Variants in PAFAH1B2 observed in about 807,000 individuals in gnomAD.
PAFAH1B2 encodes platelet-activating factor acetylhydrolase IB subunit alpha2.
In PAFAH1B2, 8 loss-of-function variants were observed where a neutral mutation model predicts 28.0. The ratio of observed to expected loss-of-function variants is 0.29; its 90% CI spans 0.17 to 0.52. The LOEUF (loss-of-function observed/expected upper bound fraction) is 0.52. PAFAH1B2 is among the 20% of genes least tolerant of loss of function. The pLI, the probability that PAFAH1B2 is intolerant of heterozygous loss-of-function variation, is 0.97. For synonymous variants in PAFAH1B2, 104 were observed against 103.2 expected, an observed-to-expected ratio of 1.01 and a Z score of -0.05; for missense variants, 190 against 282.6, an observed-to-expected ratio of 0.67 and a Z score of 2.35.
chr11:117,174,860 C>T (rs1030448172), downstream of PAFAH1B2: 7 of 1,400,694 alleles, frequency 5.0e-6, no homozygotes, highest in African/African-American at 4.3e-5. Flanking sequence ...GATGATCCAA[C>T]CGCCTTGGCC....
chr11:117,158,543 G>C (rs541368738), intron 2 of PAFAH1B2, among the ~76,000 whole-genome samples: 37 of 151,320 alleles, frequency 2.4e-4, no homozygotes, highest in African/African-American at 8.5e-4. Flanking sequence ...TCATAGTTGA[G>C]AAAATGATAT....
intron 1 of PAFAH1B2, among the ~76,000 whole-genome samples, chr11:117,148,527 C>A (rs917424083): frequency 6.6e-6 from 1 of 152,132 alleles, no homozygotes; most frequent in Admixed American, 6.6e-5. Context: ...TAACAAAGCT[C>A]CTAGCACAGG....
intron 4 of PAFAH1B2, 130 bp downstream of exon 4, chr11:117,161,391 G>T: frequency 1.8e-6 from 1 of 565,602 alleles, no homozygotes; most frequent in South Asian, 2.7e-5. Flanking sequence ...CCTCTTTAAG[G>T]TAAATGATAC....
Position 117,169,550 on chromosome 11 carries a change from C to A in PAFAH1B2, c.*1851C>A. The A allele has an allele frequency of 9.5e-7, 1 of 1,055,466 alleles. No individual in the cohort carries two copies. Among genetic ancestry groups the A allele is most frequent in the Non-Finnish European group, 1.1e-6 (1 of 873,162 alleles). The allele number at this position is 1,055,466 out of a possible 1,614,324, so 65.4% of individuals were successfully genotyped here. ...CTGATTGAGGGATGAACCTTGGGCT[C>A]ATTTTTTTCTTGTGAAGTCTCTTTC... On this transcript the variant is annotated 3_prime_UTR_variant, in exon 6 of 6. Coordinates refer to ENST00000527958, the MANE Select transcript of PAFAH1B2 (RefSeq NM_002572.4).
Position 117,167,769 on chromosome 11 carries a change from C to T in PAFAH1B2, c.*70C>T. ...GTTCTATCACTGGCACTACAGAATC[C>T]TTCTCTTTCTTAAGGCACTTTGCAT... On this transcript the variant is annotated 3_prime_UTR_variant, in exon 6 of 6. Coordinates refer to ENST00000527958, the MANE Select transcript of PAFAH1B2 (RefSeq NM_002572.4). 7.2e-7 allele frequency: 1 copy of T among 1,393,874 alleles called. No homozygotes were observed. The highest frequency in any genetic ancestry group is 9.4e-7 in the Non-Finnish European group (1 of 1,067,446). The allele number at this position is 1,393,874 out of a possible 1,614,324, so 86.3% of individuals were successfully genotyped here. A position where few individuals can be genotyped will look rare whatever the true frequency, so the allele number is the denominator to read the frequency against.
intron 1 of PAFAH1B2, among the ~76,000 whole-genome samples, chr11:117,148,570 ATTT>A (rs1269670219): frequency 6.6e-6 from 1 of 152,118 alleles, no homozygotes; most frequent in African/African-American, 2.4e-5. Context: ...AATAAATGTT[ATTT>A]TAGATCAGTT....
rs1260842018 is a variant in PAFAH1B2 at position 117,176,135 on chromosome 11, A to C, written c.*1237A>C. On this transcript the variant is annotated 3_prime_UTR_variant, in exon 6 of 6. Coordinates refer to the PAFAH1B2 transcript ENST00000419197. ...GTCTAGTGAGGTACTAATGGGCTGA[A>C]GTTTTTCTGAGCGTCACTTTCCTCA... 5 of 577,880 alleles carry C rather than the reference A, an allele frequency of 8.7e-6. No homozygotes were observed. The East Asian group carries it at 1.5e-4, about 17-fold the overall frequency. The allele number at this position is 577,880 out of a possible 1,614,324, so 35.8% of individuals were successfully genotyped here. A position where few individuals can be genotyped will look rare whatever the true frequency, so the allele number is the denominator to read the frequency against.
downstream of PAFAH1B2, chr11:117,174,962 C>G (rs778161677): frequency 2.9e-5 from 43 of 1,500,218 alleles, no homozygotes; most frequent in Non-Finnish European, 3.6e-5. Context: ...GAAGCTTCCT[C>G]CCTGTCCTCT....
intron 2 of PAFAH1B2, 171 bp from the exon 3 acceptor site, chr11:117,159,761 AAG>A (rs1323065842): frequency 1.9e-6 from 1 of 524,748 alleles, no homozygotes; most frequent in East Asian, 2.9e-5. Context: ...AGAAAGAAAA[AAG>A]TTGTTTTTGT....
chr11:117,148,401 T>C (rs1956066101), intron 1 of PAFAH1B2, among the ~76,000 whole-genome samples: 1 of 152,062 alleles, frequency 6.6e-6, no homozygotes, highest in East Asian at 1.9e-4. Context: ...TGCTCAAGAG[T>C]AGGCTTTGGA....
rs1343406782 is a variant in PAFAH1B2, at chr11:117,167,787, C to T, written c.*88C>T. ...CAGAATCCTTCTCTTTCTTAAGGCACTTTGCATTGTAGAATGTTCCTGGAT... is the reference window on the plus strand; with the variant it reads ...CAGAATCCTTCTCTTTCTTAAGGCATTTTGCATTGTAGAATGTTCCTGGAT... On this transcript the variant is annotated 3_prime_UTR_variant, in exon 6 of 6. Transcript: ENST00000527958. 3 of 1,359,984 alleles carry T rather than the reference C, an allele frequency of 2.2e-6. No homozygotes were observed. Among genetic ancestry groups the T allele is most frequent in the Admixed American group, 3.2e-5 (1 of 30,780 alleles). The allele number at this position is 1,359,984 out of a possible 1,614,324, so 84.2% of individuals were successfully genotyped here.
chr11:117,167,906 A>T lies in PAFAH1B2; in HGVS notation c.*207A>T, dbSNP rs1206677638. On this transcript the variant is annotated 3_prime_UTR_variant, in exon 6 of 6. Coordinates refer to ENST00000527958, the MANE Select transcript of PAFAH1B2 (RefSeq NM_002572.4). Reference sequence around the variant, plus strand: ...AGAGGAGAAAAATTAGCCAAGGAAGATTGTTGTTTAAATTCATTTGAAACC... The same window carrying T: ...AGAGGAGAAAAATTAGCCAAGGAAGTTTGTTGTTTAAATTCATTTGAAACC... 4 of 1,189,478 alleles carry T rather than the reference A, an allele frequency of 3.4e-6. No homozygotes were observed. The highest frequency in any genetic ancestry group is 4.2e-6 in the Non-Finnish European group (4 of 959,968). The allele number at this position is 1,189,478 out of a possible 1,614,324, so 73.7% of individuals were successfully genotyped here. A position where few individuals can be genotyped will look rare whatever the true frequency, so the allele number is the denominator to read the frequency against.
intron 1 of PAFAH1B2, among the ~76,000 whole-genome samples, chr11:117,150,208 A>G (rs1956118303): frequency 6.6e-6 from 1 of 152,138 alleles, no homozygotes; most frequent in Non-Finnish European, 1.5e-5. Flanking sequence ...TTTGAGATGA[A>G]GTCTTGCTCT....
At chr11:117,161,465 G>A (rs770994200) in intron 4 of PAFAH1B2, among the ~76,000 whole-genome samples, 4 of 151,838 alleles carry the variant, frequency 2.6e-5, no homozygotes, top group Non-Finnish European at 5.9e-5. Context: ...TTGCCTATTG[G>A]GTTGTATTTA....
rs1956602469 is a variant in PAFAH1B2, at chr11:117,169,609, A to G, written c.*1910A>G. The G allele has an allele frequency of 2.0e-5, 21 of 1,052,328 alleles. No homozygotes were observed. The highest frequency in any genetic ancestry group is 2.2e-5 in the Non-Finnish European group (19 of 870,558). 65.2% of individuals were successfully genotyped at this position (1,052,328 alleles called of 1,614,324 possible). ...TTTTTGGTTTTGTTCTTTTTAAAAA[A>G]TACATACTTTTTTGAATGTATCATG... On this transcript the variant is annotated 3_prime_UTR_variant, in exon 6 of 6. Transcript: ENST00000527958.
chr11:117,171,081 T>G, downstream of PAFAH1B2: 1 of 1,020,228 alleles, frequency 9.8e-7, no homozygotes. Flanking sequence ...TATCATAGTT[T>G]GGATTCTAAT....
intron 1 of PAFAH1B2, among the ~76,000 whole-genome samples, chr11:117,151,868 G>A (rs1445128399): frequency 1.3e-5 from 2 of 151,912 alleles, no homozygotes; most frequent in Admixed American, 1.3e-4. Flanking sequence ...CACCTCACCC[G>A]GCTAATTTTT....
At chr11:117,173,243 T>C (rs970328726), downstream of PAFAH1B2, among the ~76,000 whole-genome samples, 2 of 152,196 alleles carry the variant, frequency 1.3e-5, no homozygotes, top group Non-Finnish European at 2.9e-5. Flanking sequence ...CCAGTGTGAA[T>C]GGTGAAAGCC....
chr11:117,175,271 A>T, downstream of PAFAH1B2: 2 of 1,078,390 alleles, frequency 1.9e-6, no homozygotes, highest in African/African-American at 1.6e-5. Context: ...CTGTGTGCTC[A>T]CAAGTCTGGC....
Sources: gnomAD v4.1 joint callset for allele counts (sites outside exome capture counted in the v4.1 genomes callset) on GRCh38, gnomAD v4.1.1 for gene constraint, MANE v1.5 for transcripts, NCBI Gene and HGNC (gene_info 2026-07-23, HGNC 2026-07-21) for gene names.